The following AGT variants were observed in gnomAD, a reference collection of about 807,000 sequenced individuals.
AGT encodes the protein angiotensinogen, also known as alpha-1 antiproteinase, antitrypsin.
AGT carries 26 observed loss-of-function variants against 28.1 expected under a neutral mutation model. The observed-to-expected ratio is 0.92, with a 90% CI of 0.68 to 1.28. AGT has a LOEUF of 1.28. Among genes scored for constraint, AGT ranks in the 50% most tolerant of loss-of-function variants. The pLI is 0.00. For missense variants in AGT, 596 were observed against 592.3 expected, an observed-to-expected ratio of 1.01 and a Z score of -0.06; for synonymous variants, 259 against 259.6, an observed-to-expected ratio of 1.00 and a Z score of 0.02.
In AGT at chr1:230,703,124, G is replaced by A. The variant is rs981125556; in HGVS notation, c.*17C>T. The A allele has an allele frequency of 6.2e-7, 1 of 1,612,476 alleles. No individual in the cohort carries two copies. Among genetic ancestry groups the A allele is most frequent in the Non-Finnish European group, 8.5e-7 (1 of 1,179,714 alleles). On this transcript the variant is annotated 3_prime_UTR_variant, in exon 5 of 5. Transcript: ENST00000366667. ...GGGCAGAGGCCTTGCCAGGCACTGT[G>A]TTCTGGGGCCCTGGCCTCATGCTGT...
At chr1:230,713,177 C>T (rs145330259) in intron 1 of AGT, among the ~76,000 whole-genome samples, 2 of 152,274 alleles carry the variant, frequency 1.3e-5, no homozygotes, top group African/African-American at 4.8e-5. Flanking sequence ...TTCTGTCCAG[C>T]GTCTTTGTCT....
chr1:230,708,738 T>G (rs532499984), intron 2 of AGT, among the ~76,000 whole-genome samples: 36 of 152,258 alleles, frequency 2.4e-4, no homozygotes, highest in African/African-American at 8.2e-4. Context: ...AGCTGCTCCC[T>G]GAGCACGTGT....
intron 1 of AGT, among the ~76,000 whole-genome samples, chr1:230,719,693 CA>C (rs1663808515): frequency 6.6e-6 from 1 of 152,164 alleles, no homozygotes; most frequent in Admixed American, 6.5e-5. Context: ...AGGCATGAGC[CA>C]CCACACCTGG....
rs1663265428 is a variant in AGT, at chr1:230,702,660, A to G, written c.*481T>C. On this transcript the variant is annotated 3_prime_UTR_variant, in exon 5 of 5. Coordinates refer to ENST00000366667, the MANE Select transcript of AGT (RefSeq NM_001384479.1). ...TCAAAAATCACAAGCATCTGTGGAA[A>G]AAACTAAGGTATTACAGACACTACA... is the stretch of plus-strand genomic sequence containing the variant. 6.2e-6 allele frequency: 1 copy of G among 161,144 alleles called. No homozygotes were observed. Among genetic ancestry groups the G allele is most frequent in the Non-Finnish European group, 1.4e-5 (1 of 72,460 alleles). The allele number at this position is 161,144 out of a possible 1,614,324, so 10.0% of individuals were successfully genotyped here.
intron 4 of AGT, among the ~76,000 whole-genome samples, 164 bp downstream of exon 4, chr1:230,704,029 C>T (rs1663307566): frequency 6.6e-6 from 1 of 152,164 alleles, no homozygotes; most frequent in Non-Finnish European, 1.5e-5. Flanking sequence ...CCTGGAAGGC[C>T]CCAGAATGCT....
upstream of AGT, among the ~76,000 whole-genome samples, chr1:230,716,856 A>G (rs960848067): frequency 4.6e-5 from 7 of 151,970 alleles, no homozygotes; most frequent in Non-Finnish European, 8.8e-5. Flanking sequence ...CCAGCCACAT[A>G]TGGAGTCAGC....
intron 1 of AGT, among the ~76,000 whole-genome samples, chr1:230,712,069 A>G (rs1404106636): frequency 1.3e-5 from 2 of 152,172 alleles, no homozygotes; most frequent in East Asian, 3.9e-4. Context: ...GATTCATTCA[A>G]TTCTAACATT....
intron 1 of AGT, among the ~76,000 whole-genome samples, chr1:230,721,686 G>A (rs1234349690): frequency 6.6e-6 from 1 of 152,206 alleles, no homozygotes; most frequent in Non-Finnish European, 1.5e-5. Flanking sequence ...ATGGAAATAA[G>A]GAACTTATTG....
Position 230,703,163 on chromosome 1 carries a change from G to A in AGT, c.1409C>T (p.Ala470Val). 15 of 1,613,946 alleles carry A rather than the reference G, an allele frequency of 9.3e-6. No individual in the cohort carries two copies. The highest frequency in any genetic ancestry group is 1.3e-5 in the Non-Finnish European group (15 of 1,180,052). Residue 470 changes from alanine (A) to valine (V), a missense_variant, in exon 5 of 5, where the codon GCC becomes GTC. Physicochemically the swap from Ala to Val is moderately conservative, Grantham distance 64. Transcript: ENST00000366667. The stretch of plus-strand genomic sequence containing the variant: ...GCCTCATGCTGTGCTCAGCGGGTTG[G>A]CCACGCGGCCCAGGAAGTGCAGGGC... ...ATALHFLGRVANPLSTA is the reference protein window; with the variant it reads ...ATALHFLGRVVNPLSTA
At chr1:230,745,375 G>T (rs1664331961) in intron 1 of AGT, among the ~76,000 whole-genome samples, 1 of 152,206 alleles carries the variant, frequency 6.6e-6, no homozygotes, top group African/African-American at 2.4e-5. Context: ...TTCACAGCTT[G>T]GAAGCAGGGA....
chr1:230,728,710 G>A (rs2102801652), intron 1 of AGT, among the ~76,000 whole-genome samples: 1 of 152,272 alleles, frequency 6.6e-6, no homozygotes, highest in Middle Eastern at 3.4e-3. Context: ...AGTGTCCACA[G>A]CAGCATACAG....
At position 230,704,337 on chromosome 1, in the gene AGT, C is replaced by T. The variant is rs1186415993; in HGVS notation, c.1098G>A (p.Arg366=). The T allele has an allele frequency of 1.9e-6, 3 of 1,614,072 alleles. No homozygotes were observed. Among genetic ancestry groups the T allele is most frequent in the South Asian group, 1.1e-5 (1 of 91,060 alleles). ...GTTGGGGCATGGTCAGGTGGATGGT[C>T]CTGGGGAGATGATGCACAGTTAGGA... is the stretch of plus-strand genomic sequence containing the variant. ...SLNWMKKLSP[R]TIHLTMPQLV... Residue 366 remains arginine (R), a splice_region_variant and synonymous_variant, in exon 4 of 5, where the codon CGG becomes CGA. Coordinates refer to ENST00000366667, the MANE Select transcript of AGT (RefSeq NM_001384479.1).
Position 230,710,079 on chromosome 1 carries a change from C to T in AGT, c.745G>A (p.Val249Met), listed in dbSNP as rs749172070. The T allele has an allele frequency of 6.2e-7, 1 of 1,614,228 alleles. No individual in the cohort carries two copies. Residue 249 changes from valine (V) to methionine (M), a missense_variant, in exon 2 of 5, where the codon GTG becomes ATG. Coordinates refer to ENST00000366667, the MANE Select transcript of AGT (RefSeq NM_001384479.1). ...AEKIDRFMQAVTGWKTGCSLM... is the reference protein window; with the variant it reads ...AEKIDRFMQAMTGWKTGCSLM... The stretch of plus-strand genomic sequence containing the variant: ...GAGCAGCCAGTCTTCCATCCTGTCA[C>T]AGCCTGCATGAACCTGTCAATCTTC...
At chr1:230,713,739 A>C in intron 1 of AGT, among the ~76,000 whole-genome samples, 1 of 152,110 alleles carries the variant, frequency 6.6e-6, no homozygotes, top group Admixed American at 6.5e-5. Flanking sequence ...ATTCCTGCAC[A>C]AGCCCTGCTA....
chr1:230,706,242 G>C (rs1329322731), intron 2 of AGT, 42 bp from the exon 3 acceptor site: 2 of 1,605,226 alleles, frequency 1.2e-6, no homozygotes, highest in Admixed American at 3.3e-5. Flanking sequence ...AGTCACCCAA[G>C]ACAGGGGCAG....
At chr1:230,725,800 T>G (rs2102800292) in intron 1 of AGT, among the ~76,000 whole-genome samples, 3 of 152,220 alleles carry the variant, frequency 2.0e-5, no homozygotes, top group Middle Eastern at 6.8e-3. Context: ...AAGAGGCCAG[T>G]CATGGTAGGA....
intron 1 of AGT, among the ~76,000 whole-genome samples, chr1:230,741,867 C>G (rs1664253952): frequency 6.6e-6 from 1 of 152,138 alleles, no homozygotes; most frequent in South Asian, 2.1e-4. Flanking sequence ...TCATTGTGGG[C>G]TTTAAGTTTC....
chr1:230,706,447 A>G (rs1264040781), intron 2 of AGT, among the ~76,000 whole-genome samples: 1 of 152,114 alleles, frequency 6.6e-6, no homozygotes, highest in Non-Finnish European at 1.5e-5. Context: ...AAGACACACA[A>G]CATGCCAGGC....
At chr1:230,707,783 C>T (rs1191693606) in intron 2 of AGT, among the ~76,000 whole-genome samples, 1 of 152,214 alleles carries the variant, frequency 6.6e-6, no homozygotes, top group Non-Finnish European at 1.5e-5. Context: ...ATGAGAGTGG[C>T]TGCCGTCTTC....
Sources: allele counts gnomAD v4.1 joint callset (sites outside exome capture counted in the v4.1 genomes callset), GRCh38; gene constraint gnomAD v4.1.1; transcripts MANE v1.5; gene names NCBI Gene and HGNC (gene_info 2026-07-23, HGNC 2026-07-21).